The following GFOD1 variants were observed in gnomAD, a reference collection of about 807,000 sequenced individuals.
GFOD1 encodes Gfo/Idh/MocA-like oxidoreductase domain containing 1.
Under a neutral mutation model 25.4 loss-of-function variants are expected in GFOD1, and 9 were observed. The observed-to-expected ratio is 0.35, with a 90% CI of 0.21 to 0.62. GFOD1 has a LOEUF of 0.62. Ranked by LOEUF, GFOD1 falls within the 20% of genes least tolerant of loss-of-function variation. The probability of loss-of-function intolerance (pLI) is 0.72; values close to 1 mark genes in which losing one functional copy is unlikely to be tolerated. For synonymous variants in GFOD1, 253 were observed against 245.6 expected (o/e 1.03, Z -0.28); for missense variants, 403 against 556.9 (o/e 0.72, Z 2.78).
At chr6:13,446,700 G>A (rs1758008739) in intron 1 of GFOD1, among the ~76,000 whole-genome samples, 1 of 152,186 alleles carries the variant, frequency 6.6e-6, no homozygotes, top group South Asian at 2.1e-4. Flanking sequence ...ACCAGCTACA[G>A]CAAGGGGAGC....
At position 13,364,887 on chromosome 6, in the gene GFOD1, G is replaced by A; in HGVS notation, c.1029C>T (p.Ala343=). The part of the protein sequence containing the change: ...MAATFDDCLY[A]LCVVDTIKRS... ...TCTTGATGGTGTCCACCACGCACAA[G>A]GCATACAGGCAGTCGTCGAAGGTGG... Residue 343 remains alanine, a synonymous_variant, in exon 2 of 2, where the codon GCC becomes GCT. Coordinates refer to ENST00000379287, the MANE Select transcript of GFOD1 (RefSeq NM_018988.4). The surrounding 1 kb of genome is among the most constrained non-coding windows in gnomAD (Gnocchi z 4.1). 6.2e-7 allele frequency: 1 copy of A among 1,613,912 alleles called. No homozygotes were observed. The highest frequency in any genetic ancestry group is 8.5e-7 in the Non-Finnish European group (1 of 1,180,030).
At chr6:13,479,063 A>AC (rs1491246840) in intron 1 of GFOD1, among the ~76,000 whole-genome samples, 2 of 77,014 alleles carry the variant, frequency 2.6e-5, no homozygotes, top group Non-Finnish European at 6.3e-5. Flanking sequence ...TCCCTTTACC[A>AC]AAAAAAAAAA....
chr6:13,434,229 A>G (rs1318037334), intron 1 of GFOD1, among the ~76,000 whole-genome samples: 24 of 105,866 alleles, frequency 2.3e-4, no homozygotes, highest in Non-Finnish European at 4.1e-4. Context: ...TCAAGTGCAG[A>G]GCATTATGGA....
intron 1 of GFOD1, among the ~76,000 whole-genome samples, chr6:13,481,792 C>T (rs1488603297): frequency 6.6e-6 from 1 of 152,208 alleles, no homozygotes; most frequent in African/African-American, 2.4e-5. Context: ...TTTTAGGTGC[C>T]AGTTAATTAG....
intron 1 of GFOD1, among the ~76,000 whole-genome samples, chr6:13,401,041 A>T (rs1014407615): frequency 1.3e-5 from 2 of 152,236 alleles, no homozygotes; most frequent in African/African-American, 4.8e-5. Context: ...ACTTGTGAAG[A>T]CCATAAGTCT....
intron 1 of GFOD1, among the ~76,000 whole-genome samples, chr6:13,425,844 A>T (rs1355158153): frequency 2.0e-5 from 3 of 151,922 alleles, no homozygotes; most frequent in Non-Finnish European, 2.9e-5. Context: ...CCACACATAA[A>T]ATATACTAAT....
chr6:13,403,651 T>C (rs1196390318), intron 1 of GFOD1, among the ~76,000 whole-genome samples: 1 of 152,202 alleles, frequency 6.6e-6, no homozygotes, highest in African/African-American at 2.4e-5. Context: ...TGTTATTTGT[T>C]ACAAGACTGT....
At chr6:13,477,162 TCCAGGCAAAATCTGTATTAGTC>T (rs1758641924) in intron 1 of GFOD1, among the ~76,000 whole-genome samples, 10 of 151,066 alleles carry the variant, frequency 6.6e-5, no homozygotes, top group Middle Eastern at 6.8e-3. Context: ...GTGGCCTTGA[TCCAGGCAAAATCTGTATTAGTC>T]AGGGTTCACC....
intron 1 of GFOD1, among the ~76,000 whole-genome samples, chr6:13,446,387 G>A (rs959811539): frequency 3.9e-5 from 6 of 152,134 alleles, no homozygotes; most frequent in African/African-American, 1.2e-4. Context: ...GTTAGAACCC[G>A]GGGGACCACT....
intron 1 of GFOD1, among the ~76,000 whole-genome samples, chr6:13,442,518 A>AT (rs1397424995): frequency 6.6e-6 from 1 of 152,244 alleles, no homozygotes; most frequent in Non-Finnish European, 1.5e-5. Flanking sequence ...TAGGACTTTC[A>AT]TAGCTAGAGA....
intron 1 of GFOD1, chr6:13,486,411 A>G: frequency 1.7e-6 from 1 of 599,666 alleles, no homozygotes; most frequent in South Asian, 2.0e-5. Context: ...CACGTGGGGA[A>G]GCGCGTCCAA....
chr6:13,384,179 T>C (rs1016129766), intron 1 of GFOD1, among the ~76,000 whole-genome samples: 1 of 152,154 alleles, frequency 6.6e-6, no homozygotes, highest in Admixed American at 6.5e-5. Flanking sequence ...TGAGCCGAGA[T>C]CACGCCACTT....
intron 1 of GFOD1, among the ~76,000 whole-genome samples, chr6:13,410,337 A>G (rs1268806157): frequency 6.6e-6 from 1 of 152,120 alleles, no homozygotes; most frequent in Non-Finnish European, 1.5e-5. Context: ...GGAGGCCAAG[A>G]TGGGTGGATC....
intron 1 of GFOD1, among the ~76,000 whole-genome samples, chr6:13,477,994 G>A (rs1312536712): frequency 2.6e-5 from 4 of 151,674 alleles, no homozygotes; most frequent in South Asian, 4.2e-4. Context: ...AACCTGGGAG[G>A]TGGAGGCTGT....
At chr6:13,483,187 A>C (rs1416187800) in intron 1 of GFOD1, among the ~76,000 whole-genome samples, 3 of 151,978 alleles carry the variant, frequency 2.0e-5, no homozygotes, top group African/African-American at 7.3e-5. Context: ...GGGGGCACAC[A>C]GTGCTGAGAC....
intron 1 of GFOD1, among the ~76,000 whole-genome samples, chr6:13,466,153 T>C (rs1007180675): frequency 6.6e-5 from 10 of 152,204 alleles, no homozygotes; most frequent in African/African-American, 2.4e-4. Flanking sequence ...GGCTCCTTCA[T>C]TCTCTGCTAA....
intron 1 of GFOD1, among the ~76,000 whole-genome samples, chr6:13,432,219 T>C (rs1757761517): frequency 1.3e-5 from 2 of 150,102 alleles, no homozygotes; most frequent in African/African-American, 4.9e-5. Context: ...AGTAATATTC[T>C]TTTCTTTTCT....
intron 1 of GFOD1, among the ~76,000 whole-genome samples, chr6:13,393,662 A>T (rs980470282): frequency 1.8e-4 from 28 of 152,250 alleles, no homozygotes; most frequent in South Asian, 1.2e-3. Flanking sequence ...TTTAATTTTT[A>T]AAAAAATCAT....
At chr6:13,401,612 C>T (rs950124350) in intron 1 of GFOD1, among the ~76,000 whole-genome samples, 3 of 151,928 alleles carry the variant, frequency 2.0e-5, no homozygotes, top group Non-Finnish European at 4.4e-5. Context: ...CTTAGAAATA[C>T]ATTTAAGAAG....
Sources: gnomAD v4.1 joint callset for allele counts (sites outside exome capture counted in the v4.1 genomes callset) on GRCh38, gnomAD v4.1.1 for gene constraint, Gnocchi (gnomAD v3.1) non-coding constraint, MANE v1.5 for transcripts, NCBI Gene and HGNC (gene_info 2026-07-23, HGNC 2026-07-21) for gene names.